Variants in HTT observed in about 807,000 individuals in gnomAD.
HTT encodes huntington disease protein.
Under a neutral mutation model 362.3 loss-of-function variants are expected in HTT, and 104 were observed. The observed-to-expected ratio is 0.29, with a 90% CI of 0.24 to 0.34. The LOEUF (loss-of-function observed/expected upper bound fraction) is 0.34. Among genes scored for constraint, HTT ranks in the 10% least tolerant of loss-of-function variants. The pLI, the probability that HTT is intolerant of heterozygous loss-of-function variation, is 1.00. For synonymous variants in HTT, 1,577 were observed against 1,548.7 expected (o/e 1.02, Z -0.43); for missense variants, 3,301 against 3,928.6 (o/e 0.84, Z 4.27).
chr4:3,222,595 C>G, intron 54 of HTT, 108 bp downstream of exon 54: 1 of 786,958 alleles, frequency 1.3e-6, no homozygotes, highest in Non-Finnish European at 2.0e-6. Context: ...TTTTCTCTTA[C>G]CTTATTTTTG....
At chr4:3,187,523 C>CA (rs1465536240) in intron 38 of HTT, 128 bp from the exon 39 acceptor site, 7 of 680,334 alleles carry the variant, frequency 1.0e-5, no homozygotes, top group Non-Finnish European at 1.8e-5. Flanking sequence ...CTTTGGGACT[C>CA]AGTGATAGAG....
In HTT at chr4:3,204,005, A is replaced by G; in HGVS notation, c.5577-2A>G. On this transcript the variant is annotated splice_acceptor_variant, in intron 41 of 66. Coordinates refer to ENST00000355072, the MANE Select transcript of HTT (RefSeq NM_001388492.1). LOFTEE classifies it high-confidence loss of function. ...TGTCAATGCATCTGTTGCTCCTTCT[A>G]GAAGACACAGTCTGTCCAGCACAAA... 1 of 1,614,100 alleles carries G rather than the reference A, an allele frequency of 6.2e-7. No homozygotes were observed. Among genetic ancestry groups the G allele is most frequent in the Non-Finnish European group, 8.5e-7 (1 of 1,179,930 alleles).
At chr4:3,208,735 C>G (rs7654806) in intron 45 of HTT, 38 bp from the exon 46 acceptor site, 3 of 1,181,056 alleles carry the variant, frequency 2.5e-6, no homozygotes, top group Non-Finnish European at 2.3e-6. Flanking sequence ...AAAAAAAAAA[C>G]AAATTATACT....
intron 3 of HTT, among the ~76,000 whole-genome samples, chr4:3,103,506 A>G (rs1714266037): frequency 6.6e-6 from 1 of 152,034 alleles, no homozygotes; most frequent in Non-Finnish European, 1.5e-5. Context: ...GATTACAGGC[A>G]TGAGCCACCC....
intron 22 of HTT, 127 bp from the exon 23 acceptor site, chr4:3,142,639 G>A (rs1210775353): frequency 1.6e-5 from 8 of 507,968 alleles, no homozygotes; most frequent in South Asian, 3.0e-5. Flanking sequence ...TTTTCAGCCC[G>A]TTTCACTTAA....
At chr4:3,134,607 G>A (rs1715975427) in intron 19 of HTT, 67 bp downstream of exon 19, 1 of 1,383,736 alleles carries the variant, frequency 7.2e-7, no homozygotes, top group South Asian at 1.3e-5. Flanking sequence ...ATCACTTGAT[G>A]CAAGGAATGA....
At chr4:3,123,112 G>A (rs1170039413) in intron 10 of HTT, 176 bp downstream of exon 10, 2 of 428,684 alleles carry the variant, frequency 4.7e-6, no homozygotes, top group African/African-American at 4.1e-5. Flanking sequence ...GGCCTGAATA[G>A]TTTTGTAGGG....
chr4:3,135,873 G>A, intron 19 of HTT, 31 bp from the exon 20 acceptor site: 1 of 1,567,706 alleles, frequency 6.4e-7, no homozygotes, highest in African/African-American at 1.4e-5. Flanking sequence ...GTAACTAAAT[G>A]ATTTCATTGT....
intron 28 of HTT, among the ~76,000 whole-genome samples, chr4:3,158,818 G>A (rs148820123): frequency 1.4e-4 from 22 of 152,220 alleles, no homozygotes; most frequent in South Asian, 6.2e-4. Context: ...GAAAAATGCC[G>A]TAGAGAAGAT....
chr4:3,185,241 C>T (rs1406895718), intron 37 of HTT, among the ~76,000 whole-genome samples: 1 of 152,178 alleles, frequency 6.6e-6, no homozygotes, highest in Non-Finnish European at 1.5e-5. Flanking sequence ...AGGATCAGTT[C>T]ATGACACAGG....
chr4:3,198,926 G>T (rs551534950), intron 40 of HTT, among the ~76,000 whole-genome samples: 4 of 152,212 alleles, frequency 2.6e-5, no homozygotes, highest in Admixed American at 2.0e-4. Context: ...AGCCTGGACC[G>T]CAGGGGGGTC....
chr4:3,074,729 C>T lies in HTT; in HGVS notation c.-97C>T. ...GACGGCCGCTCAGGTTCTGCTTTTACCTGCGGCCCAGAGCCCCATTCATTG... is the reference window on the plus strand; with the variant it reads ...GACGGCCGCTCAGGTTCTGCTTTTATCTGCGGCCCAGAGCCCCATTCATTG... On this transcript the variant is annotated 5_prime_UTR_variant, in exon 1 of 67. Coordinates refer to ENST00000355072, the MANE Select transcript of HTT (RefSeq NM_001388492.1). 1.1e-5 allele frequency: 14 copies of T among 1,318,532 alleles called. No individual in the cohort carries two copies. In the South Asian group the frequency reaches 1.6e-4, roughly 15 times the overall value. 81.7% of individuals were successfully genotyped at this position (1,318,532 alleles called of 1,614,324 possible).
intron 22 of HTT, among the ~76,000 whole-genome samples, chr4:3,140,862 A>T (rs1476190504): frequency 2.6e-5 from 4 of 152,236 alleles, no homozygotes; most frequent in Admixed American, 2.0e-4. Context: ...ACAATCACTC[A>T]GCTGTGACAC....
chr4:3,215,228 A>AT lies in HTT; in HGVS notation c.7054+24dup. On this transcript the variant is annotated intron_variant, in intron 51 of 66. Coordinates refer to ENST00000355072, the MANE Select transcript of HTT (RefSeq NM_001388492.1). Reference sequence around the variant, plus strand: ...ACACACAGAGTAAGTCTCAGGACCCATTTTTTTCTTACATGTTGTTCCTCC... The same window carrying AT: ...ACACACAGAGTAAGTCTCAGGACCCATTTTTTTTCTTACATGTTGTTCCTCC... The AT allele has an allele frequency of 3.1e-6, 5 of 1,587,652 alleles. No homozygotes were observed. The highest frequency in any genetic ancestry group is 4.3e-6 in the Non-Finnish European group (5 of 1,157,950).
chr4:3,209,777 C>G lies in HTT; in HGVS notation c.6292-50C>G, dbSNP rs1048295884. 6 of 1,605,402 alleles carry G rather than the reference C, an allele frequency of 3.7e-6. No homozygotes were observed. The African/African-American group carries it at 5.4e-5, about 14-fold the overall frequency. ...CCTGTAGCTCCAGGGATGTGAAGTC[C>G]CCTTGAACGCCGCCCATCATGTTCC... is the stretch of plus-strand genomic sequence containing the variant. On this transcript the variant is annotated intron_variant, in intron 46 of 66. Transcript: ENST00000355072.
intron 23 of HTT, among the ~76,000 whole-genome samples, chr4:3,143,461 G>C (rs982409867): frequency 1.4e-5 from 2 of 141,986 alleles, no homozygotes; most frequent in Non-Finnish European, 3.1e-5. Flanking sequence ...AAAAAGAAAA[G>C]AAAAAAGTAA....
intron 24 of HTT, among the ~76,000 whole-genome samples, chr4:3,146,542 A>G (rs1022837054): frequency 9.9e-5 from 15 of 152,236 alleles, no homozygotes; most frequent in African/African-American, 3.6e-4. Context: ...CATATGCCCT[A>G]GTAAAAGCAT....
chr4:3,140,996 T>C (rs1416076555), intron 22 of HTT, among the ~76,000 whole-genome samples: 1 of 152,260 alleles, frequency 6.6e-6, no homozygotes, highest in Non-Finnish European at 1.5e-5. Flanking sequence ...GAGGATTGTA[T>C]TCTATCATGC....
chr4:3,238,753 C>G lies in HTT; in HGVS notation c.9055-65C>G, dbSNP rs1425395243. 12 of 1,217,476 alleles carry G rather than the reference C, an allele frequency of 9.9e-6. No individual in the cohort carries two copies. In the South Asian group the frequency reaches 1.8e-4, roughly 18 times the overall value. 75.4% of individuals were successfully genotyped at this position (1,217,476 alleles called of 1,614,324 possible). A position where few individuals can be genotyped will look rare whatever the true frequency, so the allele number is the denominator to read the frequency against. On this transcript the variant is annotated intron_variant, in intron 65 of 66. Transcript: ENST00000355072. ...TGGCCCCCACCCCACCCCCGCCACC[C>G]AGGCGCAGCAGGTGCTTCCCGTCCC... is the stretch of plus-strand genomic sequence containing the variant.
Sources: gnomAD v4.1 joint callset for allele counts (sites outside exome capture counted in the v4.1 genomes callset) on GRCh38, gnomAD v4.1.1 for gene constraint, MANE v1.5 for transcripts, NCBI Gene and HGNC (gene_info 2026-07-23, HGNC 2026-07-21) for gene names.